Variants in RBFOX1 observed in about 807,000 individuals in gnomAD.
RBFOX1 encodes the protein RNA binding fox-1 homolog 1, also known as RNA binding protein fox-1 homolog 1.
In RBFOX1, 8 loss-of-function variants were observed where a neutral mutation model predicts 57.7. The observed-to-expected ratio is 0.14, with a 90% CI of 0.08 to 0.25. The LOEUF is 0.25. RBFOX1 is among the 10% of genes least tolerant of loss of function. The probability of loss-of-function intolerance (pLI) is 1.00; values close to 1 mark genes in which losing one functional copy is unlikely to be tolerated. For missense variants in RBFOX1, 611 were observed against 548.5 expected (o/e 1.11, Z -1.14); for synonymous variants, 326 against 222.4 (o/e 1.47, Z -4.15).
At position 7,131,001 on chromosome 16, in the gene RBFOX1, T is replaced by C. The variant is rs2070191346; in HGVS notation, c.27+78903T>C. Among the ~76,000 whole-genome samples the C allele has an allele frequency of 3.9e-5, 6 of 152,286 alleles. No homozygotes were observed. The South Asian group carries it at 1.2e-3, about 32-fold the overall frequency. ...TTTTCCATTTCCAAAGAGATGGGTATCTTAAAAGTTAGAAATTTGTGACTT... is the reference window on the plus strand; with the variant it reads ...TTTTCCATTTCCAAAGAGATGGGTACCTTAAAAGTTAGAAATTTGTGACTT... On this transcript the variant is annotated intron_variant, in intron 4 of 15. Coordinates refer to ENST00000550418, the MANE Select transcript of RBFOX1 (RefSeq NM_018723.4).
chr16:6,258,204 C>T (rs1055822504), intron 1 of RBFOX1, among the ~76,000 whole-genome samples: 1 of 152,116 alleles, frequency 6.6e-6, no homozygotes, highest in Non-Finnish European at 1.5e-5. Flanking sequence ...TGCCAGCTGG[C>T]CATTAAAGAC....
chr16:5,354,334 G>T (rs1049191382), intron 1 of RBFOX1, among the ~76,000 whole-genome samples: 12 of 151,924 alleles, frequency 7.9e-5, no homozygotes, highest in African/African-American at 2.9e-4. Flanking sequence ...TCTCCTTGTC[G>T]ATCTGTAGTC....
chr16:5,269,165 C>T (rs1356109577), intron 1 of RBFOX1, among the ~76,000 whole-genome samples: 1 of 82,310 alleles, frequency 1.2e-5, no homozygotes, highest in African/African-American at 4.2e-5. Context: ...GATACACCCA[C>T]CTTGGTCTCC....
intron 4 of RBFOX1, among the ~76,000 whole-genome samples, chr16:7,112,036 A>T (rs1424057592): frequency 6.6e-6 from 1 of 152,110 alleles, no homozygotes; most frequent in Non-Finnish European, 1.5e-5. Context: ...AGGAAAAGGG[A>T]GGAAGGGAGG....
chr16:6,151,587 A>T (rs918982619), intron 1 of RBFOX1, among the ~76,000 whole-genome samples: 1 of 152,274 alleles, frequency 6.6e-6, no homozygotes, highest in East Asian at 1.9e-4. Context: ...CAACTGGCCT[A>T]TAATCAGTCT....
At chr16:6,665,148 A>C (rs987760675) in intron 3 of RBFOX1, among the ~76,000 whole-genome samples, 4 of 152,182 alleles carry the variant, frequency 2.6e-5, no homozygotes, top group African/African-American at 9.7e-5. Flanking sequence ...CAGCTGTATT[A>C]ACTCCCACCT....
chr16:5,867,275 C>A, intron 3 of RBFOX1: 2 of 1,172,694 alleles, frequency 1.7e-6, no homozygotes, highest in South Asian at 4.3e-5. Flanking sequence ...TGAATCAATA[C>A]TAATGTCTTT....
In RBFOX1 at chr16:7,049,456, G is replaced by A. The variant is rs1057109146; in HGVS notation, c.-15-2601G>A. ...GGACACACAAACTTTTAAAAAGAAA[G>A]AACAGTAATAAAAAAAAAAGAACAA... On this transcript the variant is annotated intron_variant, in intron 3 of 15. Transcript: ENST00000550418. 2.7e-5 allele frequency among the ~76,000 whole-genome samples: 4 copies of A among 148,528 alleles called. No individual in the cohort carries two copies. In the Admixed American group the frequency reaches 2.7e-4, roughly 10 times the overall value.
At chr16:5,748,246 G>A (rs2053061858) in intron 3 of RBFOX1, among the ~76,000 whole-genome samples, 5 of 152,040 alleles carry the variant, frequency 3.3e-5, no homozygotes, top group African/African-American at 9.7e-5. Flanking sequence ...GAGACAGTTT[G>A]TTATAATTTC....
chr16:7,234,553 T>C (rs1389278860), intron 4 of RBFOX1, among the ~76,000 whole-genome samples: 1 of 151,792 alleles, frequency 6.6e-6, no homozygotes, highest in Admixed American at 6.6e-5. Flanking sequence ...CATTTAACCA[T>C]GAAGTCTTCT....
chr16:7,398,459 A>C (rs1323330178), intron 4 of RBFOX1, among the ~76,000 whole-genome samples: 1 of 152,206 alleles, frequency 6.6e-6, no homozygotes, highest in East Asian at 1.9e-4. Flanking sequence ...GATTATTGCT[A>C]TTCTTATATT....
At chr16:6,611,868 G>A (rs934862945) in intron 2 of RBFOX1, among the ~76,000 whole-genome samples, 10 of 152,032 alleles carry the variant, frequency 6.6e-5, no homozygotes, top group African/African-American at 1.7e-4. Context: ...ACCATGGCAC[G>A]TGACCCTGGT....
At chr16:6,549,129 GAAGGAGGA>G in intron 2 of RBFOX1, among the ~76,000 whole-genome samples, 1 of 61,130 alleles carries the variant, frequency 1.6e-5, no homozygotes, top group African/African-American at 7.1e-5. Context: ...AAGAGGGGAG[GAAGGAGGA>G]GGAGGAGGGA....
intron 2 of RBFOX1, among the ~76,000 whole-genome samples, chr16:6,626,557 C>G (rs1007338212): frequency 6.6e-6 from 1 of 152,066 alleles, no homozygotes; most frequent in Non-Finnish European, 1.5e-5. Flanking sequence ...ATCAGGAGTT[C>G]GAGACCAGCC....
At chr16:6,753,441 T>G (rs1304133255) in intron 3 of RBFOX1, among the ~76,000 whole-genome samples, 1 of 152,184 alleles carries the variant, frequency 6.6e-6, no homozygotes, top group East Asian at 1.9e-4. Flanking sequence ...TATTTAGGGA[T>G]GCTTTCAGGA....
At chr16:6,848,946 C>G (rs148224934) in intron 3 of RBFOX1, among the ~76,000 whole-genome samples, 1 of 152,140 alleles carries the variant, frequency 6.6e-6, no homozygotes, top group South Asian at 2.1e-4. Flanking sequence ...CTGGGTAATT[C>G]TACCTTGCTT....
intron 3 of RBFOX1, among the ~76,000 whole-genome samples, chr16:5,666,497 G>A (rs954877099): frequency 2.6e-5 from 4 of 152,268 alleles, no homozygotes; most frequent in Admixed American, 2.0e-4. Flanking sequence ...TAGAGCGATG[G>A]ACAAGACAGA....
intron 2 of RBFOX1, among the ~76,000 whole-genome samples, chr16:6,397,557 A>T (rs976155776): frequency 2.0e-5 from 3 of 152,226 alleles, no homozygotes; most frequent in Non-Finnish European, 4.4e-5. Context: ...GGGTATCTTC[A>T]GAGTGAAAGG....
At chr16:6,990,678 T>A (rs563833410) in intron 3 of RBFOX1, among the ~76,000 whole-genome samples, 1 of 152,166 alleles carries the variant, frequency 6.6e-6, no homozygotes, top group African/African-American at 2.4e-5. Context: ...AAAGCCGTGA[T>A]CAGTTTTGCA....
Sources: gnomAD v4.1 joint callset for allele counts (sites outside exome capture counted in the v4.1 genomes callset) on GRCh38, gnomAD v4.1.1 for gene constraint, MANE v1.5 for transcripts, NCBI Gene and HGNC (gene_info 2026-07-23, HGNC 2026-07-21) for gene names.